Variants in VGLL4 observed in about 807,000 individuals in gnomAD.
The protein encoded by VGLL4 is transcription cofactor vestigial-like protein 4.
Under a neutral mutation model 21.0 loss-of-function variants are expected in VGLL4, and 7 were observed. The observed-to-expected ratio is 0.33, with a 90% CI of 0.19 to 0.63. VGLL4 has a LOEUF of 0.63. VGLL4 is among the 20% of genes least tolerant of loss of function. VGLL4 has a pLI of 0.78. For synonymous variants in VGLL4, 222 were observed against 173.2 expected, an observed-to-expected ratio of 1.28 and a Z score of -2.21; for missense variants, 394 against 425.7, an observed-to-expected ratio of 0.93 and a Z score of 0.66.
chr3:11,672,429 T>C (rs1169407293), intron 2 of VGLL4, among the ~76,000 whole-genome samples: 2 of 152,172 alleles, frequency 1.3e-5, no homozygotes, highest in Non-Finnish European at 2.9e-5. Context: ...TTCTTATGTT[T>C]AAAAATATCT....
At chr3:11,692,246 A>G (rs2076537147) in intron 2 of VGLL4, among the ~76,000 whole-genome samples, 1 of 152,172 alleles carries the variant, frequency 6.6e-6, no homozygotes, top group African/African-American at 2.4e-5. Context: ...TGGATATCCA[A>G]TTTCTAACAT....
chr3:11,556,504 GTA>G lies in VGLL4; in HGVS notation c.*2050_*2051del. ...GGTGGTTTTCCTGTTACGACGCTCA[GTA>G]GCCTGTAGCAATAACAAACTCGTGG... On this transcript the variant is annotated 3_prime_UTR_variant, in exon 5 of 5. Coordinates refer to ENST00000430365, the MANE Select transcript of VGLL4 (RefSeq NM_001128219.3). 6.5e-6 allele frequency: 1 copy of G among 152,828 alleles called. No homozygotes were observed. The highest frequency in any genetic ancestry group is 1.9e-4 in the East Asian group (1 of 5,314). The allele number at this position is 152,828 out of a possible 1,614,324, so 9.5% of individuals were successfully genotyped here.
At chr3:11,576,673 C>T (rs964326994) in intron 2 of VGLL4, among the ~76,000 whole-genome samples, 2 of 152,198 alleles carry the variant, frequency 1.3e-5, no homozygotes, top group African/African-American at 2.4e-5. Context: ...TAAGACCATC[C>T]AGTGCTAGTC....
At chr3:11,713,964 G>C (rs966561842) in intron 1 of VGLL4, among the ~76,000 whole-genome samples, 1 of 152,152 alleles carries the variant, frequency 6.6e-6, no homozygotes, top group Non-Finnish European at 1.5e-5. Flanking sequence ...AGCCCTGCAG[G>C]AGGGCAGGGG....
At chr3:11,642,182 G>C (rs539590727) in intron 1 of VGLL4, among the ~76,000 whole-genome samples, 31 of 152,232 alleles carry the variant, frequency 2.0e-4, no homozygotes, top group Non-Finnish European at 4.3e-4. Flanking sequence ...TGCAAAGAAA[G>C]AAATTCACGA....
chr3:11,672,745 T>C (rs924782037), intron 2 of VGLL4, among the ~76,000 whole-genome samples: 1 of 152,240 alleles, frequency 6.6e-6, no homozygotes, highest in Non-Finnish European at 1.5e-5. Flanking sequence ...AAATTTATAA[T>C]GCTACGGAAA....
chr3:11,582,417 T>A lies in VGLL4; in HGVS notation c.273-17398A>T, dbSNP rs951339842. The A allele has an allele frequency of 2.8e-5, 42 of 1,526,916 alleles. 1 individual carries two copies. The Admixed American group carries it at 5.4e-4, about 20-fold the overall frequency. 94.6% of individuals were successfully genotyped at this position (1,526,916 alleles called of 1,614,324 possible). On this transcript the variant is annotated intron_variant, in intron 2 of 4. Transcript: ENST00000430365. ...GGGCGGGCGCTTGTCAGAATAAAAG[T>A]CCTCCCTGAAAGGAGGGTTGCGAGG...
upstream of VGLL4, among the ~76,000 whole-genome samples, chr3:11,644,357 A>T (rs1575489234): frequency 6.6e-6 from 1 of 152,176 alleles, no homozygotes; most frequent in East Asian, 1.9e-4. Context: ...CTTTAACTGG[A>T]TATTTAAATT....
intron 2 of VGLL4, among the ~76,000 whole-genome samples, chr3:11,571,235 T>A (rs543689668): frequency 6.6e-6 from 1 of 152,236 alleles, no homozygotes; most frequent in East Asian, 1.9e-4. Context: ...TGTCTCTGCC[T>A]TCTATGCGTC....
At chr3:11,600,831 C>T (rs1292895228) in intron 2 of VGLL4, among the ~76,000 whole-genome samples, 1 of 152,124 alleles carries the variant, frequency 6.6e-6, no homozygotes, top group African/African-American at 2.4e-5. Flanking sequence ...TGAGGAAACA[C>T]TGACTCATGC....
chr3:11,617,443 C>G (rs73127110), intron 1 of VGLL4, among the ~76,000 whole-genome samples: 1 of 152,124 alleles, frequency 6.6e-6, no homozygotes, highest in Non-Finnish European at 1.5e-5. Flanking sequence ...GGGAGGCTTC[C>G]GTGAGGGGTG....
intron 2 of VGLL4, among the ~76,000 whole-genome samples, chr3:11,694,986 CTTTAT>C (rs2076583500): frequency 6.6e-6 from 1 of 151,518 alleles, no homozygotes; most frequent in East Asian, 1.9e-4. Flanking sequence ...CATTTTTATG[CTTTAT>C]ATATTCAAGT....
chr3:11,586,276 G>C (rs1175238890), intron 2 of VGLL4, among the ~76,000 whole-genome samples: 4 of 152,188 alleles, frequency 2.6e-5, no homozygotes, highest in African/African-American at 9.6e-5. Flanking sequence ...GTATGTGAGT[G>C]TTCACTGTGC....
At chr3:11,559,244 G>T in intron 4 of VGLL4, 88 bp downstream of exon 4, 1 of 1,452,888 alleles carries the variant, frequency 6.9e-7, no homozygotes. Context: ...GGGCTCAGGG[G>T]CGAGAGGTTT....
chr3:11,669,430 A>T (rs1253617693), intron 2 of VGLL4, among the ~76,000 whole-genome samples: 2 of 152,204 alleles, frequency 1.3e-5, no homozygotes, highest in Non-Finnish European at 2.9e-5. Context: ...TTCTTTTTTA[A>T]TGATATTCAT....
At chr3:11,693,681 C>T (rs551517073) in intron 2 of VGLL4, among the ~76,000 whole-genome samples, 1 of 152,228 alleles carries the variant, frequency 6.6e-6, no homozygotes, top group South Asian at 2.1e-4. Flanking sequence ...CCTGTGGCAG[C>T]GTGCACCTGA....
At chr3:11,632,609 T>C (rs1339367836) in intron 1 of VGLL4, among the ~76,000 whole-genome samples, 1 of 152,218 alleles carries the variant, frequency 6.6e-6, no homozygotes, top group Non-Finnish European at 1.5e-5. Context: ...GGAAAATAAA[T>C]CATCCTCTCA....
intron 2 of VGLL4, among the ~76,000 whole-genome samples, chr3:11,685,509 T>C (rs571041562): frequency 6.6e-6 from 1 of 152,344 alleles, no homozygotes; most frequent in Admixed American, 6.5e-5. Flanking sequence ...ATTTTCTTTA[T>C]GTAATCTGTC....
intron 2 of VGLL4, among the ~76,000 whole-genome samples, chr3:11,684,831 G>GT (rs564427905): frequency 1.8e-3 from 271 of 151,754 alleles, no homozygotes; most frequent in African/African-American, 6.2e-3. Flanking sequence ...TGCTTTTTGA[G>GT]TTTTTTGTGA....
Sources: allele counts gnomAD v4.1 joint callset (sites outside exome capture counted in the v4.1 genomes callset), GRCh38; gene constraint gnomAD v4.1.1; transcripts MANE v1.5; gene names NCBI Gene and HGNC (gene_info 2026-07-23, HGNC 2026-07-21).